KLRK1: variants seen among roughly 807,000 people sequenced by gnomAD.
KLRK1 encodes the protein killer cell lectin like receptor K1.
A neutral mutation model predicts 31.3 loss-of-function variants in KLRK1; 40 were observed. The observed-to-expected ratio is 1.28, with a 90% CI of 0.99 to 1.67. The LOEUF (loss-of-function observed/expected upper bound fraction) is 1.67, where lower values mean the gene tolerates loss of function less well. KLRK1 is among the 40% of genes most tolerant of loss of function. The pLI is 0.00. For missense variants in KLRK1, 251 were observed against 260.0 expected (o/e 0.97, Z 0.24); for synonymous variants, 77 against 77.3 (o/e 1.00, Z 0.02).
chr12:10,377,280 A>C lies in KLRK1; in HGVS notation c.533+852T>G, dbSNP rs950938958. Among the ~76,000 whole-genome samples, 7 of 152,316 alleles carry C rather than the reference A, an allele frequency of 4.6e-5. No individual in the cohort carries two copies. The South Asian group carries it at 1.2e-3, about 27-fold the overall frequency. On this transcript the variant is annotated intron_variant, in intron 7 of 7. Coordinates refer to ENST00000240618, the MANE Select transcript of KLRK1 (RefSeq NM_007360.4). ...GCACTTTAAAAAAAGTTAAGTATAT[A>C]CTTATATGATTCAGCCATTTTGTTT... is the stretch of plus-strand genomic sequence containing the variant.
At chr12:10,378,858 A>G in intron 5 of KLRK1, 153 bp from the exon 6 acceptor site, 1 of 925,990 alleles carries the variant, frequency 1.1e-6, no homozygotes, top group Non-Finnish European at 1.5e-6. Flanking sequence ...CTACATATTC[A>G]TAGAGAGAAG....
intron 7 of KLRK1, among the ~76,000 whole-genome samples, chr12:10,375,193 T>C (rs938424761): frequency 1.3e-5 from 2 of 152,126 alleles, no homozygotes; most frequent in Non-Finnish European, 2.9e-5. Context: ...AAATAACACA[T>C]GAGAGTAAAA....
chr12:10,380,179 C>T (rs1430980227), intron 3 of KLRK1, among the ~76,000 whole-genome samples: 1 of 150,274 alleles, frequency 6.7e-6, no homozygotes, highest in Non-Finnish European at 1.5e-5. Context: ...CATTCTCCTG[C>T]CTCACCCTCC....
Position 10,386,970 on chromosome 12 carries a change from C to T in KLRK1, c.81G>A (p.Lys27=). 6.2e-7 allele frequency: 1 copy of T among 1,611,612 alleles called. No homozygotes were observed. Among genetic ancestry groups the T allele is most frequent in the Non-Finnish European group, 8.5e-7 (1 of 1,178,830 alleles). The change falls in exon 3 of 8, where the codon AAG becomes AAA. Residue 27 remains lysine (K), a synonymous_variant. Transcript: ENST00000240618. ...EFHNYNLDLK[K]SDFSTRWQKQ... ...TTTGCCATCGTGTTGAAAAATCACT[C>T]TTCTTCAGATCCAAGTTATAATTAT...
chr12:10,375,095 A>G (rs192517958), intron 7 of KLRK1, among the ~76,000 whole-genome samples: 30 of 152,306 alleles, frequency 2.0e-4, no homozygotes, highest in South Asian at 6.2e-4. Flanking sequence ...ATCAATTCTA[A>G]GGTATACTGG....
At chr12:10,373,257 C>G in intron 7 of KLRK1, 26 bp from the exon 8 acceptor site, 3 of 1,534,150 alleles carry the variant, frequency 2.0e-6, no homozygotes, top group Non-Finnish European at 8.8e-7. Flanking sequence ...TTACAAATTA[C>G]ATACATGATT....
At chr12:10,379,830 A>T in intron 3 of KLRK1, 38 bp from the exon 4 acceptor site, 1 of 1,580,140 alleles carries the variant, frequency 6.3e-7, no homozygotes. Context: ...AGAAAGAAGC[A>T]TAAAAGGTTT....
At chr12:10,379,587 G>T in intron 4 of KLRK1, 105 bp from the exon 5 acceptor site, 1 of 1,329,036 alleles carries the variant, frequency 7.5e-7, no homozygotes, top group Non-Finnish European at 1.0e-6. Flanking sequence ...ATGTGACAAA[G>T]ATACATTTAA....
intron 3 of KLRK1, among the ~76,000 whole-genome samples, chr12:10,383,589 ATCAT>A (rs1863115338): frequency 6.6e-6 from 1 of 152,112 alleles, no homozygotes; most frequent in East Asian, 1.9e-4. Context: ...CAATGGACAG[ATCAT>A]TCAGGCAGAA....
At position 10,378,211 on chromosome 12, in the gene KLRK1, A is replaced by G; in HGVS notation, c.454T>C (p.Tyr152His). 1 of 1,613,790 alleles carries G rather than the reference A, an allele frequency of 6.2e-7. No individual in the cohort carries two copies. Among genetic ancestry groups the G allele is most frequent in the South Asian group, 1.1e-5 (1 of 90,940 alleles). ...DQDLLKLVKSYHWMGLVHIPT... is the reference protein window; with the variant it reads ...DQDLLKLVKSHHWMGLVHIPT... ...ATGTGTACTAGTCCCATCCAATGATATGACTTCACCAGTTTAAGTAAATCC... is the reference window on the plus strand; with the variant it reads ...ATGTGTACTAGTCCCATCCAATGATGTGACTTCACCAGTTTAAGTAAATCC... The change falls in exon 7 of 8, where the codon TAT becomes CAT. Residue 152 changes from tyrosine (Y) to histidine (H), a missense_variant. Coordinates refer to ENST00000240618, the MANE Select transcript of KLRK1 (RefSeq NM_007360.4).
intron 7 of KLRK1, among the ~76,000 whole-genome samples, chr12:10,376,550 G>C (rs936031123): frequency 1.3e-5 from 2 of 151,828 alleles, no homozygotes; most frequent in African/African-American, 4.8e-5. Context: ...CATATTAATA[G>C]TATAACTTTT....
Position 10,373,150 on chromosome 12 carries a change from A to G in KLRK1, c.615T>C (p.Thr205=). 1.2e-6 allele frequency: 2 copies of G among 1,612,072 alleles called. No individual in the cohort carries two copies. The highest frequency in any genetic ancestry group is 1.7e-6 in the Non-Finnish European group (2 of 1,179,340). The change falls in exon 8 of 8, where the codon ACT becomes ACC. Residue 205 remains threonine (T), a synonymous_variant. Transcript: ENST00000240618. ...SFKGYIENCS[T]PNTYICMQRT... ...TTTGCATGCAGATGTACGTATTTGG[A>G]GTTGAACAGTTTTCTATATAGCCTT...
chr12:10,378,502 T>A (rs1415365034), intron 6 of KLRK1, 52 bp downstream of exon 6: 36 of 1,598,296 alleles, frequency 2.3e-5, no homozygotes, highest in Non-Finnish European at 2.9e-5. Flanking sequence ...CAGTGAGTTG[T>A]CTCAGATGTT....
chr12:10,379,296 C>A, intron 5 of KLRK1, 151 bp downstream of exon 5: 1 of 281,966 alleles, frequency 3.5e-6, no homozygotes, highest in Non-Finnish European at 6.6e-6. Context: ...ACAAGTATTC[C>A]CTCATTGTTA....
At chr12:10,388,611 A>G (rs897309235) in intron 2 of KLRK1, among the ~76,000 whole-genome samples, 160 bp downstream of exon 2, 2 of 152,236 alleles carry the variant, frequency 1.3e-5, no homozygotes, top group Non-Finnish European at 1.5e-5. Context: ...GGAAGACTTG[A>G]TTTAAAATAC....
chr12:10,373,799 T>A (rs981422313), intron 7 of KLRK1, among the ~76,000 whole-genome samples: 6 of 152,190 alleles, frequency 3.9e-5, no homozygotes, highest in Non-Finnish European at 8.8e-5. Context: ...TGGAGTTATA[T>A]GATTAATAAT....
chr12:10,386,376 ATTTG>A (rs1373243612), intron 3 of KLRK1, among the ~76,000 whole-genome samples: 2 of 152,074 alleles, frequency 1.3e-5, no homozygotes, highest in African/African-American at 4.8e-5. Context: ...TTTGTTAATA[ATTTG>A]TTTCTTAGTT....
At chr12:10,376,967 C>T (rs915977501) in intron 7 of KLRK1, among the ~76,000 whole-genome samples, 1 of 152,106 alleles carries the variant, frequency 6.6e-6, no homozygotes, top group Non-Finnish European at 1.5e-5. Flanking sequence ...CAGACACCTG[C>T]CACCCCGTCC....
intron 3 of KLRK1, among the ~76,000 whole-genome samples, chr12:10,383,215 G>T (rs992414544): frequency 3.3e-5 from 5 of 151,810 alleles, no homozygotes; most frequent in African/African-American, 4.8e-5. Context: ...TGACTGAATG[G>T]ATTAAAAACA....
Sources: gnomAD v4.1 joint callset for allele counts (sites outside exome capture counted in the v4.1 genomes callset) on GRCh38, gnomAD v4.1.1 for gene constraint, MANE v1.5 for transcripts, NCBI Gene and HGNC (gene_info 2026-07-23, HGNC 2026-07-21) for gene names.